ADAM12: variants seen among roughly 807,000 people sequenced by gnomAD.
ADAM12 encodes ADAM metallopeptidase domain 12.
A neutral mutation model predicts 106.4 loss-of-function variants in ADAM12; 70 were observed. The observed-to-expected ratio is 0.66, with a 90% CI of 0.54 to 0.80. The LOEUF (loss-of-function observed/expected upper bound fraction) is 0.80. Ranked by LOEUF, ADAM12 falls within the 30% of genes least tolerant of loss-of-function variation. The pLI, the probability that ADAM12 is intolerant of heterozygous loss-of-function variation, is 0.00. For missense variants in ADAM12, 1,010 were observed against 1,171.9 expected (o/e 0.86, Z 2.02); for synonymous variants, 420 against 433.5 (o/e 0.97, Z 0.39).
chr10:126,086,250 G>T (rs1452648294), intron 11 of ADAM12, among the ~76,000 whole-genome samples: 2 of 152,110 alleles, frequency 1.3e-5, no homozygotes, highest in African/African-American at 2.4e-5. Context: ...ATAAAGCCCA[G>T]ATGTGTTCAC....
intron 5 of ADAM12, among the ~76,000 whole-genome samples, chr10:126,122,788 G>C (rs1956138635): frequency 1.3e-5 from 2 of 151,968 alleles, no homozygotes; most frequent in Admixed American, 6.6e-5. Context: ...AACAGGCAAG[G>C]GGAAAGTGGA....
In ADAM12 at chr10:126,282,577, C is replaced by A. The variant is rs139550489; in HGVS notation, c.187-3589G>T. 2.6e-4 allele frequency among the ~76,000 whole-genome samples: 39 copies of A among 152,250 alleles called. No individual in the cohort carries two copies. In the East Asian group the frequency reaches 7.3e-3, roughly 29 times the overall value. On this transcript the variant is annotated intron_variant, in intron 2 of 22. Coordinates refer to ENST00000448723, the MANE Select transcript of ADAM12 (RefSeq NM_001288973.2). ...AAAATGGCCTCATACTTTGTCCATT[C>A]TTCTATGACTGGTTTCTTTTACTTA...
intron 1 of ADAM12, among the ~76,000 whole-genome samples, chr10:126,366,239 C>T (rs1034552026): frequency 2.0e-5 from 3 of 152,060 alleles, no homozygotes; most frequent in Admixed American, 6.6e-5. Flanking sequence ...CTATCCTCAC[C>T]TTTTGTGTAA....
chr10:126,290,114 T>C (rs1302318572), intron 2 of ADAM12, among the ~76,000 whole-genome samples: 1 of 152,170 alleles, frequency 6.6e-6, no homozygotes, highest in East Asian at 1.9e-4. Flanking sequence ...CTGTGCTTAC[T>C]CTGAAGGTGC....
chr10:126,329,483 C>T (rs1854426236), intron 2 of ADAM12, among the ~76,000 whole-genome samples: 1 of 152,166 alleles, frequency 6.6e-6, no homozygotes, highest in Admixed American at 6.5e-5. Context: ...AATATCAACA[C>T]CACTATACTT....
At chr10:126,156,712 G>A (rs149255207) in intron 3 of ADAM12, among the ~76,000 whole-genome samples, 10 of 152,224 alleles carry the variant, frequency 6.6e-5, no homozygotes, top group Non-Finnish European at 1.5e-4. Context: ...AAGGCTTTGC[G>A]TAGGGATCCG....
chr10:126,185,427 T>C (rs1957383212), intron 3 of ADAM12, among the ~76,000 whole-genome samples: 2 of 152,036 alleles, frequency 1.3e-5, no homozygotes, highest in African/African-American at 4.8e-5. Flanking sequence ...AACACAATGC[T>C]CCCACTTTGC....
chr10:126,353,542 G>A (rs1385130157), intron 1 of ADAM12, among the ~76,000 whole-genome samples: 1 of 152,144 alleles, frequency 6.6e-6, no homozygotes, highest in Non-Finnish European at 1.5e-5. Flanking sequence ...TGATAAACAA[G>A]GCAAATGCTG....
chr10:126,298,934 G>T (rs1241414802), intron 2 of ADAM12, among the ~76,000 whole-genome samples: 1 of 152,206 alleles, frequency 6.6e-6, no homozygotes, highest in Non-Finnish European at 1.5e-5. Flanking sequence ...CATTAAAGGT[G>T]AAATAAAGAT....
intron 3 of ADAM12, among the ~76,000 whole-genome samples, chr10:126,181,527 T>C (rs188574316): frequency 2.0e-5 from 3 of 152,344 alleles, no homozygotes; most frequent in Non-Finnish European, 2.9e-5. Flanking sequence ...TCTGTGTACA[T>C]ATCTGTCCAC....
chr10:126,264,165 G>T (rs879840405), intron 3 of ADAM12, among the ~76,000 whole-genome samples: 9 of 152,146 alleles, frequency 5.9e-5, no homozygotes, highest in Non-Finnish European at 1.3e-4. Flanking sequence ...AAAACCACAT[G>T]TAAAAACCAT....
At chr10:126,348,362 C>G (rs976294355) in intron 1 of ADAM12, among the ~76,000 whole-genome samples, 1 of 152,104 alleles carries the variant, frequency 6.6e-6, no homozygotes, top group Non-Finnish European at 1.5e-5. Flanking sequence ...TGATATCAGG[C>G]TTTGAATGGG....
At chr10:126,179,155 G>A (rs902034050) in intron 3 of ADAM12, among the ~76,000 whole-genome samples, 2 of 152,202 alleles carry the variant, frequency 1.3e-5, no homozygotes, top group East Asian at 1.9e-4. Context: ...AGCGGAGTGT[G>A]TGGGAATCTC....
intron 3 of ADAM12, among the ~76,000 whole-genome samples, chr10:126,194,857 T>A (rs1483064829): frequency 1.3e-5 from 2 of 152,200 alleles, no homozygotes; most frequent in African/African-American, 2.4e-5. Context: ...AGGAACATCT[T>A]CAAAACTTTG....
chr10:126,109,024 T>C (rs974356096), intron 7 of ADAM12, among the ~76,000 whole-genome samples: 1 of 152,246 alleles, frequency 6.6e-6, no homozygotes, highest in Non-Finnish European at 1.5e-5. Context: ...ATTTTCTTTA[T>C]ATTTGTTTTT....
chr10:126,118,057 G>C lies in ADAM12; in HGVS notation c.584C>G (p.Ser195Cys). The change falls in exon 6 of 23, where the codon TCT becomes TGT. Residue 195 changes from serine to cysteine, a missense_variant. This residue lies in a region of ADAM12 where 391 missense variants were observed against 442.9 expected (regional missense o/e 0.88). Transcript: ENST00000448723. ...CCTTACCCTTCTTGCCCATGTCTGA[G>C]AGGGTGGTGGAAACACATTCTTTGC... ...LAAKNVFPPP[S>C]QTWARRHKRE... 1 of 1,614,140 alleles carries C rather than the reference G, an allele frequency of 6.2e-7. No homozygotes were observed. The highest frequency in any genetic ancestry group is 1.1e-5 in the South Asian group (1 of 91,072).
At chr10:126,376,002 C>A (rs1383830453) in intron 1 of ADAM12, among the ~76,000 whole-genome samples, 1 of 151,252 alleles carries the variant, frequency 6.6e-6, no homozygotes. Context: ...CACCCCCCAG[C>A]CTCTCAAAGT....
In ADAM12 at chr10:126,036,464, A is replaced by C; in HGVS notation, c.2350-139T>G. 4 of 753,864 alleles carry C rather than the reference A, an allele frequency of 5.3e-6. No individual in the cohort carries two copies. In the South Asian group the frequency reaches 7.3e-5, roughly 14 times the overall value. 46.7% of individuals were successfully genotyped at this position (753,864 alleles called of 1,614,324 possible). Reference sequence around the variant, plus strand: ...AAGGAAAGAAATCAAGGATGTACACAAGAGGGGAATTATTTTTGTATTTAT... The same window carrying C: ...AAGGAAAGAAATCAAGGATGTACACCAGAGGGGAATTATTTTTGTATTTAT... On this transcript the variant is annotated intron_variant, in intron 20 of 22. Transcript: ENST00000448723.
chr10:126,136,062 A>G lies in ADAM12; in HGVS notation c.340-402T>C, dbSNP rs556877722. Among the ~76,000 whole-genome samples the G allele has an allele frequency of 3.3e-5, 5 of 152,076 alleles. No homozygotes were observed. The South Asian group carries it at 1.0e-3, about 32-fold the overall frequency. The stretch of plus-strand genomic sequence containing the variant: ...TAAGCACACTGTGAAATGTAATAAA[A>G]CAAGGCCTAAATCTGTGGCTTATGA... On this transcript the variant is annotated intron_variant, in intron 4 of 22. Transcript: ENST00000448723.
Sources: allele counts gnomAD v4.1 joint callset (sites outside exome capture counted in the v4.1 genomes callset), GRCh38; gene constraint gnomAD v4.1.1; regional missense constraint gnomAD v4.1.1; transcripts MANE v1.5; gene names NCBI Gene and HGNC (gene_info 2026-07-23, HGNC 2026-07-21).